OXCT1: variants seen among roughly 807,000 people sequenced by gnomAD.
OXCT1 encodes succinyl-CoA:3-ketoacid coenzyme A transferase 1, mitochondrial.
Under a neutral mutation model 69.6 loss-of-function variants are expected in OXCT1, and 27 were observed. The observed-to-expected ratio is 0.39, with a 90% CI of 0.29 to 0.54. The LOEUF is 0.54. OXCT1 is among the 20% of genes least tolerant of loss of function. The pLI, the probability that OXCT1 is intolerant of heterozygous loss-of-function variation, is 0.72. For synonymous variants in OXCT1, 202 were observed against 217.8 expected, an observed-to-expected ratio of 0.93 and a Z score of 0.64; for missense variants, 437 against 650.2, an observed-to-expected ratio of 0.67 and a Z score of 3.57.
intron 13 of OXCT1, among the ~76,000 whole-genome samples, chr5:41,791,686 C>CA (rs1456473207): frequency 6.6e-6 from 1 of 152,164 alleles, no homozygotes; most frequent in African/African-American, 2.4e-5. Context: ...AAATTGATTT[C>CA]AAAAATCATT....
At chr5:41,781,461 T>A (rs1745397815) in intron 13 of OXCT1, among the ~76,000 whole-genome samples, 1 of 152,080 alleles carries the variant, frequency 6.6e-6, no homozygotes, top group Non-Finnish European at 1.5e-5. Flanking sequence ...CTTCAACTTT[T>A]ATTTTAAGTA....
At chr5:41,862,881 G>T (rs1749807724) in intron 1 of OXCT1, 131 bp from the exon 2 acceptor site, 1 of 643,028 alleles carries the variant, frequency 1.6e-6, no homozygotes, top group Non-Finnish European at 2.9e-6. Flanking sequence ...GTTTTTAATT[G>T]CCAGGTAATA....
rs1579653541 is a variant in OXCT1 at position 41,749,966 on chromosome 5, T to C, written c.1339-359A>G. 2.6e-5 allele frequency among the ~76,000 whole-genome samples: 4 copies of C among 152,154 alleles called. 1 individual carries two copies. Among genetic ancestry groups the C allele is most frequent in the Admixed American group, 2.6e-4 (4 of 15,238 alleles). ...TCTCCTTTAAAAATGTGAGCAGATATCTGCGCAGGATGCAAAGCACATACA... is the reference window on the plus strand; with the variant it reads ...TCTCCTTTAAAAATGTGAGCAGATACCTGCGCAGGATGCAAAGCACATACA... On this transcript the variant is annotated intron_variant, in intron 14 of 16. Coordinates refer to ENST00000196371, the MANE Select transcript of OXCT1 (RefSeq NM_000436.4).
intron 14 of OXCT1, among the ~76,000 whole-genome samples, chr5:41,753,364 C>A (rs1743907495): frequency 6.6e-6 from 1 of 151,934 alleles, no homozygotes; most frequent in African/African-American, 2.4e-5. Flanking sequence ...TTTTTTCTCT[C>A]AGTACTTTCT....
intron 1 of OXCT1, among the ~76,000 whole-genome samples, chr5:41,866,029 C>CCA (rs1285693584): frequency 6.8e-6 from 1 of 147,436 alleles, no homozygotes; most frequent in Non-Finnish European, 1.5e-5. Flanking sequence ...TAGACCCCCC[C>CCA]CCCCACCGCT....
At chr5:41,859,871 A>ATATATATATATATATATAT (rs1749641131) in intron 3 of OXCT1, among the ~76,000 whole-genome samples, 1 of 120,374 alleles carries the variant, frequency 8.3e-6, no homozygotes, top group Non-Finnish European at 1.9e-5. Context: ...AGTAATATAT[A>ATATATATATATATATATAT]TATATATATA....
At chr5:41,799,091 T>A (rs541310455) in intron 11 of OXCT1, among the ~76,000 whole-genome samples, 2 of 152,342 alleles carry the variant, frequency 1.3e-5, no homozygotes, top group South Asian at 2.1e-4. Context: ...CTTATGAGAC[T>A]TTTTTAAAAG....
chr5:41,777,188 T>G (rs1225931618), intron 13 of OXCT1, among the ~76,000 whole-genome samples: 1 of 151,952 alleles, frequency 6.6e-6, no homozygotes, highest in Non-Finnish European at 1.5e-5. Flanking sequence ...GAGGGTGAGG[T>G]GGGTGGATCA....
At chr5:41,829,429 T>TA (rs1561110734) in intron 7 of OXCT1, among the ~76,000 whole-genome samples, 1 of 152,076 alleles carries the variant, frequency 6.6e-6, no homozygotes, top group East Asian at 1.9e-4. Flanking sequence ...ATATAAACTA[T>TA]AAAAAATAGC....
chr5:41,804,327 T>C (rs1345629061), intron 9 of OXCT1, among the ~76,000 whole-genome samples: 1 of 152,062 alleles, frequency 6.6e-6, no homozygotes, highest in African/African-American at 2.4e-5. Context: ...CATCATATTA[T>C]AGCATTCTCT....
chr5:41,860,252 C>T (rs940561957), intron 3 of OXCT1, among the ~76,000 whole-genome samples: 3 of 151,984 alleles, frequency 2.0e-5, no homozygotes, highest in African/African-American at 7.3e-5. Context: ...CTCAGACTTA[C>T]AGGCTCAGGA....
At chr5:41,850,278 A>T (rs1357494794) in intron 4 of OXCT1, 99 bp from the exon 5 acceptor site, 2 of 1,356,280 alleles carry the variant, frequency 1.5e-6, no homozygotes, top group Non-Finnish European at 2.1e-6. Context: ...GAGGCTTATA[A>T]TTCTAAAAAG....
chr5:41,813,293 T>C (rs976323642), intron 7 of OXCT1, among the ~76,000 whole-genome samples: 1 of 152,004 alleles, frequency 6.6e-6, no homozygotes, highest in African/African-American at 2.4e-5. Context: ...TACAGATAGG[T>C]AGACAAATAC....
intron 7 of OXCT1, among the ~76,000 whole-genome samples, chr5:41,824,092 C>T (rs993119659): frequency 1.3e-5 from 2 of 152,076 alleles, no homozygotes; most frequent in African/African-American, 2.4e-5. Flanking sequence ...ATATACCAAC[C>T]GTCATTTGTT....
At chr5:41,813,910 T>C (rs1470056239) in intron 7 of OXCT1, among the ~76,000 whole-genome samples, 1 of 152,134 alleles carries the variant, frequency 6.6e-6, no homozygotes, top group Non-Finnish European at 1.5e-5. Flanking sequence ...TTTCATCTGA[T>C]CATTAGCTTT....
intron 1 of OXCT1, among the ~76,000 whole-genome samples, chr5:41,869,599 A>C (rs1750180153): frequency 6.6e-6 from 1 of 152,156 alleles, no homozygotes; most frequent in Non-Finnish European, 1.5e-5. Context: ...GCCTCGAGAG[A>C]AAGGTTTGTC....
intron 14 of OXCT1, among the ~76,000 whole-genome samples, chr5:41,757,133 T>C (rs1350505607): frequency 2.6e-5 from 4 of 152,062 alleles, no homozygotes; most frequent in African/African-American, 7.2e-5. Flanking sequence ...CATTTACATT[T>C]TGGCGAAAAA....
intron 1 of OXCT1, among the ~76,000 whole-genome samples, chr5:41,863,080 T>C (rs911058716): frequency 9.9e-5 from 15 of 152,114 alleles, no homozygotes; most frequent in African/African-American, 3.6e-4. Flanking sequence ...TTACAGTATA[T>C]TGTTATAACT....
intron 5 of OXCT1, among the ~76,000 whole-genome samples, chr5:41,847,042 T>C (rs1198426633): frequency 2.6e-5 from 4 of 151,206 alleles, no homozygotes; most frequent in Non-Finnish European, 3.0e-5. Flanking sequence ...GCAAGACTAA[T>C]AAAGAAAAAA....
Sources: allele counts gnomAD v4.1 joint callset (sites outside exome capture counted in the v4.1 genomes callset), GRCh38; gene constraint gnomAD v4.1.1; transcripts MANE v1.5; gene names NCBI Gene and HGNC (gene_info 2026-07-23, HGNC 2026-07-21).